Variants in HEPH observed in about 807,000 individuals in gnomAD.
The protein encoded by HEPH is hephaestin.
In HEPH, 69 loss-of-function variants were observed where a neutral mutation model predicts 80.8. The ratio of observed to expected loss-of-function variants is 0.85; its 90% CI spans 0.70 to 1.04. The LOEUF is 1.04. HEPH is among the 50% of genes least tolerant of loss of function. HEPH has a pLI of 0.00. For synonymous variants in HEPH, 431 were observed against 322.8 expected, an observed-to-expected ratio of 1.34 and a Z score of -3.60; for missense variants, 1,115 against 891.3, an observed-to-expected ratio of 1.25 and a Z score of -3.20.
chrX:66,171,871 A>G (rs1000358362), intron 2 of HEPH, among the ~76,000 whole-genome samples: 4 of 111,329 alleles, frequency 3.6e-5, no homozygotes, highest in Non-Finnish European at 7.5e-5. Flanking sequence ...CATTTTACAG[A>G]TGGGCAAATT....
intron 6 of HEPH, among the ~76,000 whole-genome samples, 175 bp from the exon 7 acceptor site, chrX:66,191,955 C>CTT (rs1555988119): frequency 9.0e-6 from 1 of 111,352 alleles, no homozygotes; most frequent in African/African-American, 3.3e-5. Flanking sequence ...CTACCCTGGA[C>CTT]TCTCTCTCTC....
chrX:66,192,398 C>A, intron 7 of HEPH, 100 bp downstream of exon 7: 1 of 894,754 alleles, frequency 1.1e-6, no homozygotes, highest in Non-Finnish European at 1.6e-6. Flanking sequence ...CTCAGGGATC[C>A]AAATCATTGT....
At chrX:66,187,320 T>A (rs1320039188) in intron 4 of HEPH, among the ~76,000 whole-genome samples, 1 of 111,132 alleles carries the variant, frequency 9.0e-6, no homozygotes, top group Non-Finnish European at 1.9e-5. Flanking sequence ...TTTGGGGTGT[T>A]AAAGAACCTT....
At position 66,263,630 on chromosome X, in the gene HEPH, T is replaced by A; in HGVS notation, c.3200-14T>A. On this transcript the variant is annotated splice_polypyrimidine_tract_variant and intron_variant, in intron 19 of 20. Coordinates refer to ENST00000343002, the MANE Select transcript of HEPH (RefSeq NM_001367233.3). ...CAATAAGGCTAACCTCTTGTCTTTTTTCCCCCCAACCAGAACACTTAAGCC... is the reference window on the plus strand; with the variant it reads ...CAATAAGGCTAACCTCTTGTCTTTTATCCCCCCAACCAGAACACTTAAGCC... 8.3e-7 allele frequency: 1 copy of A among 1,209,760 alleles called. No homozygotes were observed. Among genetic ancestry groups the A allele is most frequent in the East Asian group, 3.0e-5 (1 of 33,740 alleles).
At chrX:66,199,800 TAGAA>T (rs1182051810) in intron 11 of HEPH, among the ~76,000 whole-genome samples, 1 of 111,746 alleles carries the variant, frequency 8.9e-6, no homozygotes, top group Non-Finnish European at 1.9e-5. Context: ...TAGGATGCCA[TAGAA>T]AGAGACCATA....
At position 66,242,777 on chromosome X, in the gene HEPH, A is replaced by T. The variant is rs771226634; in HGVS notation, c.2564-12258A>T. Among the ~76,000 whole-genome samples, 6 of 111,990 alleles carry T rather than the reference A, an allele frequency of 5.4e-5. No individual in the cohort carries two copies. In the East Asian group the frequency reaches 1.7e-3, roughly 32 times the overall value. ...TATGAAAAAATTCTCAACAACACTA[A>T]TTATTAGAGAAATGCAGATTGAAAC... is the stretch of plus-strand genomic sequence containing the variant. On this transcript the variant is annotated intron_variant, in intron 15 of 20. Transcript: ENST00000343002.
At chrX:66,230,020 G>A (rs1271926656) in intron 15 of HEPH, among the ~76,000 whole-genome samples, 1 of 100,295 alleles carries the variant, frequency 1.0e-5, no homozygotes, top group Non-Finnish European at 2.0e-5. Flanking sequence ...GTGAGAATAT[G>A]TGGTGTTTGG....
At position 66,170,582 on chromosome X, in the gene HEPH, C is replaced by A. The variant is rs2086549562; in HGVS notation, c.12C>A (p.Gly4=). The change falls in exon 2 of 21, where the codon GGC becomes GGA. Residue 4 remains glycine, a synonymous_variant. Coordinates refer to ENST00000343002, the MANE Select transcript of HEPH (RefSeq NM_001367233.3). MES[G]HLLWALLFMQ... ...GAGTAATGTGGGCCATGGAGTCAGG[C>A]CACCTCCTCTGGGCTCTGCTGTTCA... 8.3e-7 allele frequency: 1 copy of A among 1,207,879 alleles called. No homozygotes were observed. The highest frequency in any genetic ancestry group is 1.8e-5 in the African/African-American group (1 of 56,940).
At chrX:66,250,358 A>G (rs1168795031) in intron 15 of HEPH, among the ~76,000 whole-genome samples, 2 of 111,845 alleles carry the variant, frequency 1.8e-5, no homozygotes, top group South Asian at 3.7e-4. Flanking sequence ...ATAACACTTT[A>G]TCCGGTGATT....
intron 15 of HEPH, among the ~76,000 whole-genome samples, chrX:66,233,007 C>A (rs776510254): frequency 2.7e-5 from 3 of 110,618 alleles, no homozygotes; most frequent in Non-Finnish European, 3.8e-5. Flanking sequence ...ACCTTAAGAG[C>A]TAACCAAAAA....
At chrX:66,249,819 G>A (rs2090942270) in intron 15 of HEPH, among the ~76,000 whole-genome samples, 1 of 111,680 alleles carries the variant, frequency 9.0e-6, no homozygotes. Flanking sequence ...TCTACAAATT[G>A]CTAAGTGGAT....
At chrX:66,239,022 T>C (rs899536033) in intron 15 of HEPH, among the ~76,000 whole-genome samples, 4 of 112,527 alleles carry the variant, frequency 3.6e-5, no homozygotes, top group Middle Eastern at 4.6e-3. Flanking sequence ...CAGGTGTTCC[T>C]TGCCCTCATT....
chrX:66,179,289 T>C (rs1243833763), intron 4 of HEPH, among the ~76,000 whole-genome samples: 2 of 111,670 alleles, frequency 1.8e-5, no homozygotes, highest in Non-Finnish European at 3.8e-5. Flanking sequence ...GGCTCTGTTG[T>C]TTTTCATTGG....
At chrX:66,226,641 C>T (rs1228129221) in intron 15 of HEPH, among the ~76,000 whole-genome samples, 2 of 111,561 alleles carry the variant, frequency 1.8e-5, no homozygotes, top group Non-Finnish European at 3.8e-5. Context: ...TTCAAAAGAT[C>T]ACTCAAGGCT....
chrX:66,244,668 G>A (rs2090733688), intron 15 of HEPH, among the ~76,000 whole-genome samples: 1 of 110,999 alleles, frequency 9.0e-6, no homozygotes, highest in Non-Finnish European at 1.9e-5. Context: ...ACCCATTTCA[G>A]CCTGATTAAG....
chrX:66,230,642 ATTTG>A (rs1173580935), intron 15 of HEPH, among the ~76,000 whole-genome samples: 2 of 98,862 alleles, frequency 2.0e-5, no homozygotes, highest in Non-Finnish European at 4.0e-5. Flanking sequence ...TTTCTTGTAA[ATTTG>A]TTTGAGTTCA....
intron 13 of HEPH, among the ~76,000 whole-genome samples, chrX:66,203,919 C>G (rs1249800729): frequency 1.8e-5 from 2 of 112,487 alleles, no homozygotes; most frequent in Non-Finnish European, 3.8e-5. Flanking sequence ...AATGGCATTG[C>G]ATTTATTAAG....
At chrX:66,186,624 C>A (rs2087463263) in intron 4 of HEPH, among the ~76,000 whole-genome samples, 2 of 111,934 alleles carry the variant, frequency 1.8e-5, no homozygotes, top group Admixed American at 9.4e-5. Flanking sequence ...TGAGATGAAC[C>A]CGGTACCTCA....
At chrX:66,244,855 T>A (rs1474541827) in intron 15 of HEPH, among the ~76,000 whole-genome samples, 3 of 110,241 alleles carry the variant, frequency 2.7e-5, no homozygotes, top group Non-Finnish European at 3.8e-5. Context: ...TTGATTCCCT[T>A]GGGGATTTGA....
Sources: gnomAD v4.1 joint callset for allele counts (sites outside exome capture counted in the v4.1 genomes callset) on GRCh38, gnomAD v4.1.1 for gene constraint, MANE v1.5 for transcripts, NCBI Gene and HGNC (gene_info 2026-07-23, HGNC 2026-07-21) for gene names.